The following BTBD3 variants were observed in gnomAD, a reference collection of about 807,000 sequenced individuals.
The protein encoded by BTBD3 is BTB/POZ domain-containing protein 3.
BTBD3 carries 14 observed loss-of-function variants against 41.6 expected under a neutral mutation model. That is an observed-to-expected ratio of 0.34 (90% CI 0.22 to 0.53). The LOEUF (loss-of-function observed/expected upper bound fraction) is 0.53. Ranked by LOEUF, BTBD3 falls within the 20% of genes least tolerant of loss-of-function variation. The probability of loss-of-function intolerance (pLI) is 0.95; values close to 1 mark genes in which losing one functional copy is unlikely to be tolerated. For missense variants in BTBD3, 426 were observed against 654.7 expected (o/e 0.65, Z 3.81); for synonymous variants, 249 against 233.7 (o/e 1.07, Z -0.60).
At chr20:11,896,356 T>C (rs1480052898) in intron 1 of BTBD3, among the ~76,000 whole-genome samples, 6 of 152,230 alleles carry the variant, frequency 3.9e-5, no homozygotes, top group Admixed American at 1.3e-4. Context: ...CTGGCACTTA[T>C]GCGAAAAGCT....
intron 1 of BTBD3, chr20:11,910,161 G>A (rs906075939): frequency 2.0e-5 from 3 of 152,042 alleles, no homozygotes; most frequent in African/African-American, 7.2e-5. Flanking sequence ...ATATGTGAGA[G>A]AAGCTTTTGG....
rs1292171810 is a variant in BTBD3 at position 11,900,735 on chromosome 20, T to C, written c.-126+9781T>C. Among the ~76,000 whole-genome samples, 15 of 138,102 alleles carry C rather than the reference T, an allele frequency of 1.1e-4. No individual in the cohort carries two copies. The East Asian group carries it at 2.7e-3, about 25-fold the overall frequency. The allele number at this position is 138,102 out of a possible 152,430, so 90.6% of individuals were successfully genotyped here. A position where few individuals can be genotyped will look rare whatever the true frequency, so the allele number is the denominator to read the frequency against. The stretch of plus-strand genomic sequence containing the variant: ...TTTTTTTTTTTTTTTTGAGACAGAG[T>C]GTGGCTCTGTCGCCCAGGCTGGAGT... On this transcript the variant is annotated intron_variant, in intron 1 of 4. Coordinates refer to the BTBD3 transcript ENST00000254977.
chr20:11,903,414 C>T (rs994995183), intron 1 of BTBD3, among the ~76,000 whole-genome samples: 3 of 152,098 alleles, frequency 2.0e-5, no homozygotes, highest in Non-Finnish European at 1.5e-5. Context: ...TGTTTTCTTG[C>T]TGGTTTATGT....
At chr20:11,903,374 G>A (rs955829744) in intron 1 of BTBD3, among the ~76,000 whole-genome samples, 18 of 152,174 alleles carry the variant, frequency 1.2e-4, no homozygotes, top group Non-Finnish European at 2.1e-4. Flanking sequence ...ATGTGATGTA[G>A]GAGAAAGCAG....
chr20:11,906,253 C>CTTTTTTTTT (rs1568610658), intron 1 of BTBD3, among the ~76,000 whole-genome samples: 1 of 37,356 alleles, frequency 2.7e-5, no homozygotes, highest in Non-Finnish European at 6.3e-5. Flanking sequence ...TATTATTACT[C>CTTTTTTTTT]CTTTTTTTTT....
intron 1 of BTBD3, among the ~76,000 whole-genome samples, chr20:11,898,723 T>C (rs1287569537): frequency 6.6e-6 from 1 of 152,232 alleles, no homozygotes; most frequent in African/African-American, 2.4e-5. Flanking sequence ...TGTTTTAGCA[T>C]TTGTGGATCT....
intron 3 of BTBD3, among the ~76,000 whole-genome samples, chr20:11,922,383 G>A (rs2056977511): frequency 6.6e-6 from 1 of 152,164 alleles, no homozygotes; most frequent in Non-Finnish European, 1.5e-5. Flanking sequence ...GACACTGAAT[G>A]CAGCTTATAA....
intron 1 of BTBD3, among the ~76,000 whole-genome samples, chr20:11,904,388 A>G (rs2056841325): frequency 6.6e-6 from 1 of 152,186 alleles, no homozygotes; most frequent in African/African-American, 2.4e-5. Context: ...CACCCCTATG[A>G]TCCAGTCACC....
At chr20:11,896,422 T>C (rs934723957) in intron 1 of BTBD3, among the ~76,000 whole-genome samples, 1 of 152,232 alleles carries the variant, frequency 6.6e-6, no homozygotes, top group Non-Finnish European at 1.5e-5. Flanking sequence ...AATGACACTT[T>C]TATCTACTTT....
intron 1 of BTBD3, among the ~76,000 whole-genome samples, chr20:11,905,058 TATAAG>T (rs1427066105): frequency 6.6e-6 from 1 of 152,248 alleles, no homozygotes; most frequent in Non-Finnish European, 1.5e-5. Flanking sequence ...TCACTGCTCT[TATAAG>T]AACAGTCTTT....
At chr20:11,890,852 G>A (rs1240669732) in exon 1 of BTBD3, 9 of 985,182 alleles carry the variant, frequency 9.1e-6, no homozygotes, top group Admixed American at 6.1e-5. Flanking sequence ...CGCCGAGCCC[G>A]CCGGGCGCTG....
chr20:11,899,937 AG>A (rs1383311131), intron 1 of BTBD3, among the ~76,000 whole-genome samples: 2 of 152,258 alleles, frequency 1.3e-5, no homozygotes, highest in Admixed American at 6.5e-5. Flanking sequence ...TAAGCCCAAT[AG>A]CTGTTACCTA....
At chr20:11,896,103 G>A (rs1250919813) in intron 1 of BTBD3, among the ~76,000 whole-genome samples, 1 of 152,136 alleles carries the variant, frequency 6.6e-6, no homozygotes, top group Non-Finnish European at 1.5e-5. Context: ...AAAAATACCG[G>A]ATCATGTTAC....
At chr20:11,911,219 A>C (rs2056887356) in intron 1 of BTBD3, among the ~76,000 whole-genome samples, 1 of 152,208 alleles carries the variant, frequency 6.6e-6, no homozygotes, top group African/African-American at 2.4e-5. Context: ...CAGAGATGTT[A>C]AAGTGGCGAG....
intron 1 of BTBD3, chr20:11,909,698 C>A (rs1300932977): frequency 6.6e-6 from 1 of 152,034 alleles, no homozygotes; most frequent in East Asian, 1.9e-4. Flanking sequence ...TTAATTGAGA[C>A]CTTCTGGATA....
At chr20:11,893,084 C>T (rs1454330719) in intron 1 of BTBD3, among the ~76,000 whole-genome samples, 1 of 151,450 alleles carries the variant, frequency 6.6e-6, no homozygotes, top group Non-Finnish European at 1.5e-5. Flanking sequence ...ATGCTCAAAA[C>T]AGGTATGCTA....
intron 3 of BTBD3, among the ~76,000 whole-genome samples, chr20:11,920,780 G>T (rs1193252671): frequency 6.6e-6 from 1 of 152,132 alleles, no homozygotes; most frequent in African/African-American, 2.4e-5. Flanking sequence ...GTTGAAAAAA[G>T]TATTCAGTGG....
intron 1 of BTBD3, among the ~76,000 whole-genome samples, chr20:11,903,337 A>G (rs183350964): frequency 6.6e-5 from 10 of 152,320 alleles, no homozygotes; most frequent in Non-Finnish European, 1.2e-4. Flanking sequence ...AACACCAAAG[A>G]TTGCTACCCC....
chr20:11,905,561 G>A (rs1461118528), intron 1 of BTBD3, among the ~76,000 whole-genome samples: 2 of 152,140 alleles, frequency 1.3e-5, no homozygotes, highest in African/African-American at 2.4e-5. Context: ...TAGCCAGGCC[G>A]TTTTACCGCT....
Sources: gnomAD v4.1 joint callset for allele counts (sites outside exome capture counted in the v4.1 genomes callset) on GRCh38, gnomAD v4.1.1 for gene constraint, MANE v1.5 for transcripts, NCBI Gene and HGNC (gene_info 2026-07-23, HGNC 2026-07-21) for gene names.